ZPLD1: variants seen among roughly 807,000 people sequenced by gnomAD.
ZPLD1 encodes the protein zona pellucida-like domain-containing protein 1.
Under a neutral mutation model 47.2 loss-of-function variants are expected in ZPLD1, and 34 were observed. The ratio of observed to expected loss-of-function variants is 0.72; its 90% CI spans 0.55 to 0.96. The LOEUF is 0.96. Among genes scored for constraint, ZPLD1 ranks in the 40% least tolerant of loss-of-function variants. ZPLD1 has a pLI of 0.00. For synonymous variants in ZPLD1, 176 were observed against 186.2 expected (o/e 0.95, Z 0.45); for missense variants, 512 against 505.8 (o/e 1.01, Z -0.12).
At chr3:102,406,335 C>T (rs1433169916) in intron 7 of ZPLD1, among the ~76,000 whole-genome samples, 2 of 151,944 alleles carry the variant, frequency 1.3e-5, no homozygotes, top group East Asian at 3.9e-4. Context: ...CACACAACTA[C>T]ACAAGTTACC....
intron 7 of ZPLD1, among the ~76,000 whole-genome samples, chr3:102,399,901 C>A (rs556258477): frequency 7.9e-5 from 12 of 151,524 alleles, no homozygotes; most frequent in Non-Finnish European, 1.6e-4. Context: ...TCACTGCAAC[C>A]TTTACATCCC....
upstream of ZPLD1, among the ~76,000 whole-genome samples, chr3:102,431,410 G>A (rs111733986): frequency 0.015 from 2,316 of 152,122 alleles, 27 homozygotes; most frequent in Non-Finnish European, 0.026. Context: ...AGCAAGACAA[G>A]GACATTCTAC....
chr3:102,470,474 C>G lies in ZPLD1; in HGVS notation c.1014C>G (p.Leu338=), dbSNP rs202206793. 5 of 1,614,006 alleles carry G rather than the reference C, an allele frequency of 3.1e-6. No individual in the cohort carries two copies. In the African/African-American group the frequency reaches 5.3e-5, roughly 17 times the overall value. ...AGAGCTCTTCTGGCAGCGCGGTGCT[C>G]TCTGCTGGTCCCATCATTACTCGGA... is the stretch of plus-strand genomic sequence containing the variant. ...SPQSSSGSAV[L]SAGPIITRSD... Residue 338 remains leucine (L), a synonymous_variant, in exon 10 of 12, where the codon CTC becomes CTG. Coordinates refer to ENST00000466937, the MANE Select transcript of ZPLD1 (RefSeq NM_001329788.2).
At chr3:102,462,226 T>C (rs1707517181) in intron 6 of ZPLD1, 55 bp from the exon 7 acceptor site, 8 of 1,077,858 alleles carry the variant, frequency 7.4e-6, no homozygotes, top group South Asian at 1.4e-5. Context: ...TTTTAAGTAG[T>C]AAGTGTGCTG....
intron 6 of ZPLD1, among the ~76,000 whole-genome samples, chr3:102,460,824 C>A (rs1189450013): frequency 6.6e-6 from 1 of 151,854 alleles, no homozygotes; most frequent in Non-Finnish European, 1.5e-5. Context: ...AGAAAGTAAG[C>A]ATTCTTCTGC....
rs1335934792 is a variant in ZPLD1 at position 102,478,940 on chromosome 3, T to A, written c.*1322T>A. The A allele has an allele frequency of 1.3e-5, 2 of 152,220 alleles. No homozygotes were observed. Among genetic ancestry groups the A allele is most frequent in the Non-Finnish European group, 2.9e-5 (2 of 68,032 alleles). The allele number at this position is 152,220 out of a possible 1,614,324, so 9.4% of individuals were successfully genotyped here. ...TTTCTATTCAACATTTGTGACCCAT[T>A]AGTCCGGACTTAATTTACTATACTG... is the stretch of plus-strand genomic sequence containing the variant. On this transcript the variant is annotated 3_prime_UTR_variant, in exon 12 of 12. Coordinates refer to ENST00000466937, the MANE Select transcript of ZPLD1 (RefSeq NM_001329788.2).
intron 4 of ZPLD1, among the ~76,000 whole-genome samples, chr3:102,454,507 A>G (rs994855414): frequency 7.9e-5 from 12 of 152,150 alleles, no homozygotes; most frequent in Admixed American, 7.9e-4. Flanking sequence ...AAAGCCAGGA[A>G]AAGTGTGCAA....
intron 10 of ZPLD1, among the ~76,000 whole-genome samples, chr3:102,474,445 T>C (rs1461878188): frequency 1.3e-5 from 2 of 152,184 alleles, no homozygotes; most frequent in African/African-American, 2.4e-5. Context: ...GGGAGTATAG[T>C]AGAGAACAGG....
chr3:102,408,636 T>C (rs955725836), intron 7 of ZPLD1, among the ~76,000 whole-genome samples: 6 of 151,838 alleles, frequency 4.0e-5, no homozygotes, highest in African/African-American at 1.4e-4. Context: ...TTCTCAACTT[T>C]TTTTTTAAAG....
intron 4 of ZPLD1, among the ~76,000 whole-genome samples, chr3:102,453,621 A>G (rs1428933779): frequency 6.6e-6 from 1 of 152,222 alleles, no homozygotes; most frequent in Admixed American, 6.5e-5. Context: ...AGTGCTTTGT[A>G]AAAAGGGGCT....
intron 8 of ZPLD1, among the ~76,000 whole-genome samples, chr3:102,419,593 C>A (rs1287045774): frequency 6.6e-6 from 1 of 151,358 alleles, no homozygotes; most frequent in Non-Finnish European, 1.5e-5. Context: ...CTTCTTTTCC[C>A]CTTAAAAGGG....
chr3:102,456,157 C>G (rs1707409292), intron 4 of ZPLD1, 36 bp from the exon 5 acceptor site: 5 of 1,574,314 alleles, frequency 3.2e-6, no homozygotes, highest in Non-Finnish European at 4.3e-6. Flanking sequence ...TATATATAGC[C>G]ATTTAATCAT....
chr3:102,426,929 A>G (rs1359495836), intron 8 of ZPLD1, among the ~76,000 whole-genome samples: 1 of 152,208 alleles, frequency 6.6e-6, no homozygotes, highest in African/African-American at 2.4e-5. Flanking sequence ...GCAATAATGC[A>G]ACTATCTAAG....
rs115463237 is a variant in ZPLD1 at position 102,401,337 on chromosome 3, G to A, written c.-157+9112G>A. On this transcript the variant is annotated intron_variant, in intron 7 of 17. Coordinates refer to the ZPLD1 transcript ENST00000491959. ...AGATGCAGTCCTTACTGATATTTTC[G>A]TCCTCTGGCAATGTAACATTTGACA... Among the ~76,000 whole-genome samples the A allele has an allele frequency of 9.0e-3, 1,367 of 152,044 alleles. 18 individuals carry two copies. The highest frequency in any genetic ancestry group is 0.03 in the African/African-American group (1,259 of 41,494).
At chr3:102,390,130 C>T (rs994932253) in intron 6 of ZPLD1, among the ~76,000 whole-genome samples, 3 of 152,160 alleles carry the variant, frequency 2.0e-5, no homozygotes, top group Non-Finnish European at 4.4e-5. Context: ...AGTTAGGTCT[C>T]AGTAGTTTCT....
intron 10 of ZPLD1, among the ~76,000 whole-genome samples, chr3:102,473,899 A>G (rs1297128760): frequency 6.6e-6 from 1 of 152,132 alleles, no homozygotes; most frequent in East Asian, 1.9e-4. Context: ...CCAATTTTAT[A>G]TAGATAAATC....
At chr3:102,464,743 A>C (rs1407675048) in intron 8 of ZPLD1, among the ~76,000 whole-genome samples, 1 of 152,204 alleles carries the variant, frequency 6.6e-6, no homozygotes, top group Admixed American at 6.5e-5. Flanking sequence ...TTCTTATTAG[A>C]GCCAATAACT....
chr3:102,429,737 T>G (rs1389785106), intron 8 of ZPLD1, among the ~76,000 whole-genome samples: 1 of 152,170 alleles, frequency 6.6e-6, no homozygotes, highest in Non-Finnish European at 1.5e-5. Context: ...TCCAAATGAC[T>G]CAGTATCCAC....
chr3:102,431,722 A>G (rs1041006024), upstream of ZPLD1, among the ~76,000 whole-genome samples: 1 of 152,156 alleles, frequency 6.6e-6, no homozygotes, highest in African/African-American at 2.4e-5. Context: ...CAGCCTGGCC[A>G]ACATGGTGAA....
Sources: allele counts gnomAD v4.1 joint callset (sites outside exome capture counted in the v4.1 genomes callset), GRCh38; gene constraint gnomAD v4.1.1; transcripts MANE v1.5; gene names NCBI Gene and HGNC (gene_info 2026-07-23, HGNC 2026-07-21).